AGBL3: variants seen among roughly 807,000 people sequenced by gnomAD.
AGBL3 encodes the protein AGBL carboxypeptidase 3.
Under a neutral mutation model 94.5 loss-of-function variants are expected in AGBL3, and 68 were observed. The ratio of observed to expected loss-of-function variants is 0.72; its 90% CI spans 0.59 to 0.88. AGBL3 has a LOEUF of 0.88. Ranked by LOEUF, AGBL3 falls within the 40% of genes least tolerant of loss-of-function variation. AGBL3 has a pLI of 0.00. For synonymous variants in AGBL3, 354 were observed against 370.7 expected, an observed-to-expected ratio of 0.95 and a Z score of 0.52; for missense variants, 934 against 1,103.8, an observed-to-expected ratio of 0.85 and a Z score of 2.18.
chr7:135,030,387 T>G (rs1815599297), intron 5 of AGBL3, among the ~76,000 whole-genome samples: 1 of 152,212 alleles, frequency 6.6e-6, no homozygotes, highest in Admixed American at 6.5e-5. Flanking sequence ...TGGGTATAAC[T>G]TCATTGTAAG....
intron 16 of AGBL3, among the ~76,000 whole-genome samples, chr7:135,134,583 A>G (rs149415397): frequency 0.019 from 2,961 of 152,132 alleles, 44 homozygotes; most frequent in Non-Finnish European, 0.03. Context: ...AGTGGCTATT[A>G]TATTAGGAAG....
chr7:135,091,086 G>A lies in AGBL3; in HGVS notation c.2110+9296G>A, dbSNP rs146748373. On this transcript the variant is annotated intron_variant, in intron 15 of 16. Coordinates refer to ENST00000436302, the MANE Select transcript of AGBL3 (RefSeq NM_178563.4). ...TCTAATGTGTTGATGGAGGTTACTG[G>A]GATCCTCTTGCTTTCTCTTCCTTGC... Among the ~76,000 whole-genome samples, 430 of 152,102 alleles carry A rather than the reference G, an allele frequency of 2.8e-3. 2 individuals carry two copies. Among genetic ancestry groups the A allele is most frequent in the African/African-American group, 9.8e-3 (406 of 41,470 alleles).
intron 16 of AGBL3, among the ~76,000 whole-genome samples, chr7:135,133,641 G>T (rs1829093143): frequency 6.6e-6 from 1 of 152,204 alleles, no homozygotes; most frequent in Admixed American, 6.5e-5. Flanking sequence ...CACTGATTTT[G>T]ATAGGGAATT....
chr7:135,079,145 T>C (rs1820710327), intron 13 of AGBL3, among the ~76,000 whole-genome samples: 1 of 152,208 alleles, frequency 6.6e-6, no homozygotes, highest in Admixed American at 6.5e-5. Context: ...CAGTTTATTA[T>C]GGTTCACAGA....
chr7:135,044,233 C>T lies in AGBL3; in HGVS notation c.1627+82C>T, dbSNP rs972163985. ...TTTAATGTAAATGTAACAGTACAGA[C>T]AATAGTACTTTCTTCCTATTTAAAT... On this transcript the variant is annotated intron_variant, in intron 9 of 16. Transcript: ENST00000436302. The T allele has an allele frequency of 2.4e-6, 3 of 1,275,272 alleles. No individual in the cohort carries two copies. The African/African-American group carries it at 4.6e-5, about 19-fold the overall frequency. The allele number at this position is 1,275,272 out of a possible 1,614,324, so 79.0% of individuals were successfully genotyped here.
intron 12 of AGBL3, among the ~76,000 whole-genome samples, chr7:135,066,742 G>C (rs1318903203): frequency 1.3e-5 from 2 of 152,090 alleles, no homozygotes; most frequent in Non-Finnish European, 2.9e-5. Context: ...GGATAAAAAA[G>C]ATGAGGGGGG....
intron 5 of AGBL3, among the ~76,000 whole-genome samples, chr7:135,025,384 G>T (rs1211282279): frequency 6.6e-6 from 1 of 151,538 alleles, no homozygotes; most frequent in Non-Finnish European, 1.5e-5. Flanking sequence ...AAGTGAAGGA[G>T]AAATAAAATC....
At chr7:135,062,363 T>G (rs1462728774) in intron 12 of AGBL3, among the ~76,000 whole-genome samples, 1 of 152,088 alleles carries the variant, frequency 6.6e-6, no homozygotes, top group Non-Finnish European at 1.5e-5. Context: ...CTTTTACTCT[T>G]GTCTAATTGC....
At chr7:135,010,805 TGA>T (rs1813049315) in intron 4 of AGBL3, 1 of 152,100 alleles carries the variant, frequency 6.6e-6, no homozygotes, top group African/African-American at 2.4e-5. Flanking sequence ...AATAAAGCAT[TGA>T]GAGAGATTTT....
chr7:135,047,097 CTTTTA>C (rs1817442375), intron 11 of AGBL3, among the ~76,000 whole-genome samples: 2 of 152,116 alleles, frequency 1.3e-5, no homozygotes, highest in African/African-American at 2.4e-5. Context: ...CACCATTTGA[CTTTTA>C]TTTTATGAAT....
At chr7:135,083,344 C>T (rs1236853496) in intron 15 of AGBL3, among the ~76,000 whole-genome samples, 1 of 152,198 alleles carries the variant, frequency 6.6e-6, no homozygotes, top group Non-Finnish European at 1.5e-5. Flanking sequence ...TAGTGATTCC[C>T]AGTCATCTAA....
At chr7:135,063,238 C>T (rs1818993816) in intron 12 of AGBL3, among the ~76,000 whole-genome samples, 1 of 151,858 alleles carries the variant, frequency 6.6e-6, no homozygotes, top group African/African-American at 2.4e-5. Context: ...TGAGTCTTCT[C>T]TCTCTCTCTT....
chr7:135,122,699 A>T (rs1827308365), intron 16 of AGBL3, among the ~76,000 whole-genome samples: 1 of 152,140 alleles, frequency 6.6e-6, no homozygotes, highest in South Asian at 2.1e-4. Context: ...CTTCTTTGCT[A>T]TTCTCCAGCC....
At position 135,022,272 on chromosome 7, in the gene AGBL3, A is replaced by G. The variant is rs146654488; in HGVS notation, c.418+5113A>G. Among the ~76,000 whole-genome samples, 3 of 152,358 alleles carry G rather than the reference A, an allele frequency of 2.0e-5. No homozygotes were observed. The East Asian group carries it at 5.8e-4, about 29-fold the overall frequency. On this transcript the variant is annotated intron_variant, in intron 5 of 16. Transcript: ENST00000436302. ...TATTCCACAATGGTTGAACTAATTT[A>G]CATTCCCACCAACAATGTAAACGTG...
At chr7:135,119,054 A>G (rs1420462095) in intron 16 of AGBL3, among the ~76,000 whole-genome samples, 1 of 152,164 alleles carries the variant, frequency 6.6e-6, no homozygotes, top group East Asian at 1.9e-4. Flanking sequence ...AATAATATTC[A>G]CATATCGTAG....
intron 12 of AGBL3, among the ~76,000 whole-genome samples, chr7:135,065,926 T>C (rs1819250792): frequency 6.6e-6 from 1 of 151,902 alleles, no homozygotes; most frequent in Non-Finnish European, 1.5e-5. Context: ...ACTGGATATA[T>C]ACATAAAACA....
At chr7:135,091,066 T>C (rs2116909704) in intron 15 of AGBL3, among the ~76,000 whole-genome samples, 1 of 152,250 alleles carries the variant, frequency 6.6e-6, no homozygotes, top group South Asian at 2.1e-4. Context: ...AGGTGTCTAA[T>C]GTGTTGATGG....
intron 12 of AGBL3, among the ~76,000 whole-genome samples, chr7:135,067,650 A>C (rs983914030): frequency 1.3e-5 from 2 of 152,224 alleles, no homozygotes; most frequent in Admixed American, 6.5e-5. Flanking sequence ...GACCTCCAGC[A>C]AACTCCAACA....
At chr7:135,106,647 T>C (rs960444961) in intron 15 of AGBL3, among the ~76,000 whole-genome samples, 1 of 152,246 alleles carries the variant, frequency 6.6e-6, no homozygotes, top group Non-Finnish European at 1.5e-5. Context: ...GCATCAATGT[T>C]CACCAAGGAT....
Sources: allele counts gnomAD v4.1 joint callset (sites outside exome capture counted in the v4.1 genomes callset), GRCh38; gene constraint gnomAD v4.1.1; transcripts MANE v1.5; gene names NCBI Gene and HGNC (gene_info 2026-07-23, HGNC 2026-07-21).